PICK1: variants seen among roughly 807,000 people sequenced by gnomAD.
The protein encoded by PICK1 is PRKCA-binding protein.
PICK1 carries 23 observed loss-of-function variants against 48.9 expected under a neutral mutation model. That is an observed-to-expected ratio of 0.47 (90% CI 0.34 to 0.67). The LOEUF is 0.67. PICK1 is among the 30% of genes least tolerant of loss of function. The probability of loss-of-function intolerance (pLI) is 0.01; values close to 1 mark genes in which losing one functional copy is unlikely to be tolerated. For synonymous variants in PICK1, 217 were observed against 228.2 expected, an observed-to-expected ratio of 0.95 and a Z score of 0.44; for missense variants, 423 against 557.1, an observed-to-expected ratio of 0.76 and a Z score of 2.42.
rs1054055841 is a variant in PICK1, at chr22:38,057,477, A to G, written c.-168A>G. On this transcript the variant is annotated 5_prime_UTR_variant, in exon 1 of 13. Transcript: ENST00000356976. Reference sequence around the variant, plus strand: ...AGCCTGGCCGGGACCCGGCTGTGGGACCAACGCTTCCGGTGAGCGACAGAG... The same window carrying G: ...AGCCTGGCCGGGACCCGGCTGTGGGGCCAACGCTTCCGGTGAGCGACAGAG... 5.2e-6 allele frequency: 2 copies of G among 385,226 alleles called. No homozygotes were observed. Among genetic ancestry groups the G allele is most frequent in the Admixed American group, 7.7e-5 (2 of 26,032 alleles). 23.9% of individuals were successfully genotyped at this position (385,226 alleles called of 1,614,324 possible). A position where few individuals can be genotyped will look rare whatever the true frequency, so the allele number is the denominator to read the frequency against.
chr22:38,069,156 G>T (rs1265911609), intron 6 of PICK1, 34 bp downstream of exon 6: 2 of 1,499,124 alleles, frequency 1.3e-6, no homozygotes, highest in East Asian at 2.4e-5. Context: ...GGGCCCCGGG[G>T]ACTCAAGCCC....
chr22:38,059,416 C>T lies in PICK1; in HGVS notation c.153+71C>T, dbSNP rs2085346491. 2.9e-6 allele frequency: 3 copies of T among 1,027,624 alleles called. No homozygotes were observed. The Admixed American group carries it at 6.0e-5, about 20-fold the overall frequency. 63.7% of individuals were successfully genotyped at this position (1,027,624 alleles called of 1,614,324 possible). A position where few individuals can be genotyped will look rare whatever the true frequency, so the allele number is the denominator to read the frequency against. Reference sequence around the variant, plus strand: ...GCATGACAAAGGCAGGTTCATTTCTCCACACTGCATAGCTGACTCCTTCTC... The same window carrying T: ...GCATGACAAAGGCAGGTTCATTTCTTCACACTGCATAGCTGACTCCTTCTC... On this transcript the variant is annotated intron_variant, in intron 3 of 12. Coordinates refer to ENST00000356976, the MANE Select transcript of PICK1 (RefSeq NM_012407.4).
chr22:38,071,237 G>A (rs1210430670), intron 7 of PICK1, among the ~76,000 whole-genome samples: 1 of 152,062 alleles, frequency 6.6e-6, no homozygotes, highest in Admixed American at 6.6e-5. Flanking sequence ...ATCAGTACTC[G>A]AGAGGCTGAG....
Position 38,073,894 on chromosome 22 carries a change from G to C in PICK1, c.834+71G>C, listed in dbSNP as rs887922210. 6 of 1,460,430 alleles carry C rather than the reference G, an allele frequency of 4.1e-6. No homozygotes were observed. The highest frequency in any genetic ancestry group is 5.8e-6 in the Non-Finnish European group (6 of 1,041,046). 90.5% of individuals were successfully genotyped at this position (1,460,430 alleles called of 1,614,324 possible). On this transcript the variant is annotated intron_variant, in intron 11 of 12. Transcript: ENST00000356976. This position sits in a 1 kb window ranked among gnomAD's most constrained non-coding sequence, Gnocchi z 5.7. ...TCTGCCAGGGATAGCAGGTGGCTCA[G>C]GCCAACCCGGGAGAGACCGGGGGGA...
At chr22:38,070,764 C>G (rs1028440848) in intron 6 of PICK1, 74 bp from the exon 7 acceptor site, 3 of 1,352,488 alleles carry the variant, frequency 2.2e-6, no homozygotes, top group Non-Finnish European at 3.2e-6. Flanking sequence ...TGCCTCTCCC[C>G]TCCCCAGCAT....
At chr22:38,067,501 G>A in intron 4 of PICK1, 1 of 561,780 alleles carries the variant, frequency 1.8e-6, no homozygotes. Flanking sequence ...TAGAGATGGG[G>A]TTTTGCCATG....
intron 3 of PICK1, among the ~76,000 whole-genome samples, chr22:38,060,151 C>A (rs1052893315): frequency 6.6e-6 from 1 of 152,194 alleles, no homozygotes; most frequent in African/African-American, 2.4e-5. Flanking sequence ...GTAGAGGTTG[C>A]AGTGAGCTGA....
intron 3 of PICK1, among the ~76,000 whole-genome samples, chr22:38,059,728 G>A (rs1440152556): frequency 6.6e-6 from 1 of 152,204 alleles, no homozygotes; most frequent in Non-Finnish European, 1.5e-5. Context: ...CCAAAATGAA[G>A]TGTCATAGGA....
chr22:38,075,308 G>A lies in PICK1; in HGVS notation c.*176G>A, dbSNP rs747606923. 5 of 641,346 alleles carry A rather than the reference G, an allele frequency of 7.8e-6. No homozygotes were observed. Among genetic ancestry groups the A allele is most frequent in the Non-Finnish European group, 1.3e-5 (5 of 376,776 alleles). The allele number at this position is 641,346 out of a possible 1,614,324, so 39.7% of individuals were successfully genotyped here. A position where few individuals can be genotyped will look rare whatever the true frequency, so the allele number is the denominator to read the frequency against. On this transcript the variant is annotated 3_prime_UTR_variant, in exon 13 of 13. Coordinates refer to ENST00000356976, the MANE Select transcript of PICK1 (RefSeq NM_012407.4). ...GGGCTCCTGCCCAGGACAGGCACCA[G>A]GGTCATGGCCTGGGACCTGGACACT...
Position 38,073,643 on chromosome 22 carries a change from C to T in PICK1, c.784-130C>T. On this transcript the variant is annotated intron_variant, in intron 10 of 12. Transcript: ENST00000356976. This position sits in a 1 kb window ranked among gnomAD's most constrained non-coding sequence, Gnocchi z 5.7. ...AGGCCCTGTCATCCCTCAGCACCTG[C>T]CGCTGCCCGCTCTGGGACTCCCTGA... 1 of 852,494 alleles carries T rather than the reference C, an allele frequency of 1.2e-6. No homozygotes were observed. The highest frequency in any genetic ancestry group is 1.3e-5 in the South Asian group (1 of 74,816). The allele number at this position is 852,494 out of a possible 1,614,324, so 52.8% of individuals were successfully genotyped here.
chr22:38,063,144 A>G (rs2085444529), intron 3 of PICK1, among the ~76,000 whole-genome samples: 2 of 151,674 alleles, frequency 1.3e-5, no homozygotes, highest in Admixed American at 1.3e-4. Flanking sequence ...TTATTGTGGT[A>G]AAATTTACCA....
chr22:38,068,534 C>A (rs2085589998), intron 5 of PICK1, among the ~76,000 whole-genome samples: 1 of 152,160 alleles, frequency 6.6e-6, no homozygotes, highest in African/African-American at 2.4e-5. Flanking sequence ...CCTCTGGTTC[C>A]AACACAGGAC....
intron 6 of PICK1, among the ~76,000 whole-genome samples, chr22:38,070,537 C>T (rs935233408): frequency 2.0e-5 from 3 of 152,254 alleles, no homozygotes; most frequent in African/African-American, 7.2e-5. Flanking sequence ...CTGGCTGCTC[C>T]ATCTCCATTC....
In PICK1 at chr22:38,072,629, G is replaced by T; in HGVS notation, c.690+19G>T. The T allele has an allele frequency of 6.2e-7, 1 of 1,612,342 alleles. No individual in the cohort carries two copies. The highest frequency in any genetic ancestry group is 8.5e-7 in the Non-Finnish European group (1 of 1,179,998). The stretch of plus-strand genomic sequence containing the variant: ...CAAGCCGGTAGGTCCTATTGAGCAT[G>T]TGTGTGTCTGGCGTGTGAGGGTGGG... On this transcript the variant is annotated intron_variant, in intron 9 of 12. Coordinates refer to ENST00000356976, the MANE Select transcript of PICK1 (RefSeq NM_012407.4).
chr22:38,064,161 G>A (rs192974325), intron 3 of PICK1, among the ~76,000 whole-genome samples: 211 of 151,932 alleles, frequency 1.4e-3, no homozygotes, highest in Non-Finnish European at 1.5e-3. Flanking sequence ...AGGTTCAAGC[G>A]ATTCTCCTGC....
At chr22:38,071,343 CA>C (rs199685746) in intron 7 of PICK1, among the ~76,000 whole-genome samples, 11 of 151,714 alleles carry the variant, frequency 7.3e-5, no homozygotes. Context: ...GACCCTATCT[CA>C]AAAAAAACAA....
chr22:38,067,811 C>T (rs540068620), intron 5 of PICK1, 41 bp downstream of exon 5: 1 of 1,536,068 alleles, frequency 6.5e-7, no homozygotes, highest in African/African-American at 1.4e-5. Context: ...AGCAGCCTCC[C>T]TGGATGGGCC....
chr22:38,065,312 A>G, intron 4 of PICK1, 182 bp downstream of exon 4: 1 of 650,858 alleles, frequency 1.5e-6, no homozygotes, highest in East Asian at 3.0e-5. Context: ...CATTCAATAA[A>G]TACTAATCGT....
Position 38,066,002 on chromosome 22 carries a change from G to C in PICK1, c.282+872G>C, listed in dbSNP as rs908492867. On this transcript the variant is annotated intron_variant, in intron 4 of 12. Coordinates refer to ENST00000356976, the MANE Select transcript of PICK1 (RefSeq NM_012407.4). The surrounding 1 kb of genome is among the most constrained non-coding windows in gnomAD (Gnocchi z 4.1). ...CCTGCCTTAACCCAGGCCAGCCGCTGCTCCATCCTCTCTCCCCTTTATCCT... is the reference window on the plus strand; with the variant it reads ...CCTGCCTTAACCCAGGCCAGCCGCTCCTCCATCCTCTCTCCCCTTTATCCT... 6.6e-6 allele frequency among the ~76,000 whole-genome samples: 1 copy of C among 152,132 alleles called. No individual in the cohort carries two copies. The highest frequency in any genetic ancestry group is 2.4e-5 in the African/African-American group (1 of 41,432).
Sources: gnomAD v4.1 joint callset for allele counts (sites outside exome capture counted in the v4.1 genomes callset) on GRCh38, gnomAD v4.1.1 for gene constraint, Gnocchi (gnomAD v3.1) non-coding constraint, MANE v1.5 for transcripts, NCBI Gene and HGNC (gene_info 2026-07-23, HGNC 2026-07-21) for gene names.